Variants in PTPN12 observed in about 807,000 individuals in gnomAD.
PTPN12 encodes the protein protein tyrosine phosphatase non-receptor type 12, also known as tyrosine-protein phosphatase non-receptor type 12.
PTPN12 carries 29 observed loss-of-function variants against 97.6 expected under a neutral mutation model. The observed-to-expected ratio is 0.30, with a 90% CI of 0.22 to 0.41. PTPN12 has a LOEUF of 0.41. PTPN12 is among the 10% of genes least tolerant of loss of function. PTPN12 has a pLI of 1.00. For synonymous variants in PTPN12, 327 were observed against 300.4 expected (o/e 1.09, Z -0.91); for missense variants, 819 against 926.0 (o/e 0.88, Z 1.50).
At position 77,571,242 on chromosome 7, in the gene PTPN12, A is replaced by G. The variant is rs140131338; in HGVS notation, c.208+56A>G. 3 of 1,052,382 alleles carry G rather than the reference A, an allele frequency of 2.9e-6. No homozygotes were observed. In the African/African-American group the frequency reaches 4.9e-5, roughly 17 times the overall value. The allele number at this position is 1,052,382 out of a possible 1,614,324, so 65.2% of individuals were successfully genotyped here. On this transcript the variant is annotated intron_variant, in intron 2 of 17. Transcript: ENST00000248594. ...TAGAAATGCTAATTAGCCTTTTGTA[A>G]CCTAACTAGTTTTATTCTTCCTGAG...
intron 4 of PTPN12, 46 bp downstream of exon 4, chr7:77,583,696 A>T (rs1209039391): frequency 8.3e-7 from 1 of 1,208,144 alleles, no homozygotes. Flanking sequence ...ATACTTATGT[A>T]ATAACATAGG....
At chr7:77,539,870 G>A (rs1806868627) in intron 1 of PTPN12, among the ~76,000 whole-genome samples, 1 of 152,134 alleles carries the variant, frequency 6.6e-6, no homozygotes, top group Non-Finnish European at 1.5e-5. Flanking sequence ...AGTAGAGATG[G>A]GGTTTCGCCA....
intron 5 of PTPN12, among the ~76,000 whole-genome samples, chr7:77,589,659 TTAAG>T: frequency 6.6e-6 from 1 of 152,242 alleles, no homozygotes; most frequent in Non-Finnish European, 1.5e-5. Context: ...TATGTCAGTA[TTAAG>T]TAATGTTGGA....
At chr7:77,564,531 A>G (rs1199221569) in intron 1 of PTPN12, among the ~76,000 whole-genome samples, 7 of 151,988 alleles carry the variant, frequency 4.6e-5, no homozygotes, top group Non-Finnish European at 8.8e-5. Flanking sequence ...TGCCTCAGAA[A>G]TTTTCCGGAG....
chr7:77,637,590 C>T (rs2151413458), intron 16 of PTPN12, among the ~76,000 whole-genome samples: 1 of 152,076 alleles, frequency 6.6e-6, no homozygotes, highest in East Asian at 1.9e-4. Context: ...GGCGTGGTGG[C>T]TCACACCTAT....
intron 2 of PTPN12, among the ~76,000 whole-genome samples, chr7:77,573,326 G>T (rs1395169386): frequency 2.0e-5 from 3 of 152,172 alleles, no homozygotes; most frequent in Non-Finnish European, 4.4e-5. Flanking sequence ...AGACTGGGAA[G>T]TCCAAGATGA....
At chr7:77,558,482 C>A (rs1200021240) in intron 1 of PTPN12, among the ~76,000 whole-genome samples, 1 of 152,052 alleles carries the variant, frequency 6.6e-6, no homozygotes, top group African/African-American at 2.4e-5. Context: ...CCTAAAATAG[C>A]TATTAGTAAG....
intron 9 of PTPN12, among the ~76,000 whole-genome samples, chr7:77,608,064 T>G (rs1788436442): frequency 6.6e-6 from 1 of 152,164 alleles, no homozygotes; most frequent in Admixed American, 6.6e-5. Context: ...CCATTGCCTT[T>G]TATGTTTACT....
chr7:77,595,570 A>G (rs956787047), intron 6 of PTPN12, among the ~76,000 whole-genome samples: 1 of 152,232 alleles, frequency 6.6e-6, no homozygotes, highest in Non-Finnish European at 1.5e-5. Flanking sequence ...GTTAGAACAC[A>G]TCTATATGCA....
In PTPN12 at chr7:77,627,104, C is replaced by A; in HGVS notation, c.1425C>A (p.Ile475=). Residue 475 remains isoleucine, a synonymous_variant, in exon 13 of 18, where the codon ATC becomes ATA. Coordinates refer to ENST00000248594, the MANE Select transcript of PTPN12 (RefSeq NM_002835.4). ...CTTCACCTTGTATAGCTGATAAAAT[C>A]TCTAAGCCACAGGAATTAAGTTCAG... ...KSASPCIADK[I]SKPQELSSDL... 6.2e-7 allele frequency: 1 copy of A among 1,614,168 alleles called. No homozygotes were observed. Among genetic ancestry groups the A allele is most frequent in the South Asian group, 1.1e-5 (1 of 91,080 alleles).
At chr7:77,556,927 C>T (rs145896597) in intron 1 of PTPN12, among the ~76,000 whole-genome samples, 12 of 151,626 alleles carry the variant, frequency 7.9e-5, no homozygotes, top group African/African-American at 2.7e-4. Context: ...TGTGGGGTCC[C>T]CTTTGGATTG....
At chr7:77,541,353 G>T (rs983598368) in intron 1 of PTPN12, among the ~76,000 whole-genome samples, 5 of 152,180 alleles carry the variant, frequency 3.3e-5, no homozygotes, top group African/African-American at 1.2e-4. Context: ...CAGCCTCAAA[G>T]TGCTGGGGTT....
At chr7:77,626,606 T>C in intron 12 of PTPN12, 99 bp from the exon 13 acceptor site, 1 of 1,312,194 alleles carries the variant, frequency 7.6e-7, no homozygotes, top group Non-Finnish European at 1.0e-6. Context: ...CGCAACCAGA[T>C]TGTAATGGCT....
At chr7:77,625,518 T>TCTCTCTCTCA (rs1789131150) in intron 12 of PTPN12, among the ~76,000 whole-genome samples, 3 of 82,008 alleles carry the variant, frequency 3.7e-5, no homozygotes, top group Non-Finnish European at 7.2e-5. Flanking sequence ...TCTCTCTCTC[T>TCTCTCTCTCA]CTCTCACTCT....
intron 1 of PTPN12, among the ~76,000 whole-genome samples, chr7:77,566,329 A>G (rs1165278133): frequency 6.6e-6 from 1 of 152,186 alleles, no homozygotes; most frequent in Non-Finnish European, 1.5e-5. Context: ...CACATAGGAG[A>G]GTTTTTAAAT....
At chr7:77,558,238 AAAG>A (rs1807816867) in intron 1 of PTPN12, among the ~76,000 whole-genome samples, 1 of 151,738 alleles carries the variant, frequency 6.6e-6, no homozygotes, top group African/African-American at 2.4e-5. Flanking sequence ...GAAAAAGAAA[AAAG>A]AAAGAAAAAG....
chr7:77,625,130 A>T (rs2151391193), intron 12 of PTPN12, among the ~76,000 whole-genome samples: 1 of 152,210 alleles, frequency 6.6e-6, no homozygotes, highest in African/African-American at 2.4e-5. Flanking sequence ...ACAAGACTCT[A>T]TCTCAAAAGA....
At chr7:77,544,097 T>C (rs1418776402) in intron 1 of PTPN12, among the ~76,000 whole-genome samples, 2 of 152,208 alleles carry the variant, frequency 1.3e-5, no homozygotes, top group Non-Finnish European at 2.9e-5. Flanking sequence ...CAGACTGTTA[T>C]CCAAAGCTGC....
chr7:77,614,874 T>C (rs1167052438), intron 11 of PTPN12, among the ~76,000 whole-genome samples: 1 of 152,218 alleles, frequency 6.6e-6, no homozygotes, highest in African/African-American at 2.4e-5. Flanking sequence ...TCGGTAAAAG[T>C]TTTGTTTAAA....
Sources: gnomAD v4.1 joint callset for allele counts (sites outside exome capture counted in the v4.1 genomes callset) on GRCh38, gnomAD v4.1.1 for gene constraint, MANE v1.5 for transcripts, NCBI Gene and HGNC (gene_info 2026-07-23, HGNC 2026-07-21) for gene names.